The following IGF2BP3 variants were observed in gnomAD, a reference collection of about 807,000 sequenced individuals.
IGF2BP3 encodes insulin-like growth factor 2 mRNA-binding protein 3.
In IGF2BP3, 9 loss-of-function variants were observed where a neutral mutation model predicts 73.8. The observed-to-expected ratio is 0.12, with a 90% CI of 0.07 to 0.21. The LOEUF (loss-of-function observed/expected upper bound fraction) is 0.21, where lower values mean the gene tolerates loss of function less well. IGF2BP3 is among the 10% of genes least tolerant of loss of function. The pLI is 1.00. For missense variants in IGF2BP3, 542 were observed against 714.0 expected (o/e 0.76, Z 2.75); for synonymous variants, 258 against 256.7 (o/e 1.01, Z -0.05).
intron 5 of IGF2BP3, among the ~76,000 whole-genome samples, chr7:23,356,412 C>A (rs1012005069): frequency 6.6e-6 from 1 of 151,884 alleles, no homozygotes; most frequent in Non-Finnish European, 1.5e-5. Context: ...AAAAAATTAG[C>A]TGGGTGTAGT....
At chr7:23,453,428 A>C (rs946770127) in intron 2 of IGF2BP3, among the ~76,000 whole-genome samples, 9 of 152,244 alleles carry the variant, frequency 5.9e-5, no homozygotes, top group Non-Finnish European at 1.0e-4. Context: ...TACTGTTAAA[A>C]TGTGACGTGT....
In IGF2BP3 at chr7:23,468,535, T is replaced by C; in HGVS notation, c.183A>G (p.Ile61Met). 1.2e-6 allele frequency: 2 copies of C among 1,614,202 alleles called. No individual in the cohort carries two copies. The highest frequency in any genetic ancestry group is 1.7e-6 in the Non-Finnish European group (2 of 1,180,006). ...LKAIEALSGK[I>M]ELHGKPIEVE... ...CTTCTATGGGTTTCCCGTGCAGTTCTATTTTACCTGCGGACACACAAGAAG... is the reference window on the plus strand; with the variant it reads ...CTTCTATGGGTTTCCCGTGCAGTTCCATTTTACCTGCGGACACACAAGAAG... The change falls in exon 2 of 15, where the codon ATA becomes ATG. Residue 61 changes from isoleucine (I) to methionine (M), a missense_variant. This residue lies in a region of IGF2BP3 where 239 missense variants were observed against 241.9 expected (regional missense o/e 0.99). Coordinates refer to ENST00000258729, the MANE Select transcript of IGF2BP3 (RefSeq NM_006547.3).
Position 23,311,712 on chromosome 7 carries a change from CGGTT to C in IGF2BP3, c.*646_*649del, listed in dbSNP as rs1391016422. On this transcript the variant is annotated 3_prime_UTR_variant, in exon 15 of 15. Coordinates refer to ENST00000258729, the MANE Select transcript of IGF2BP3 (RefSeq NM_006547.3). ...AATTTTAAATTTATTTTTTAAAAAACGGTTGGACTTCTATCATTATAAAGTATAT... is the reference window on the plus strand; with the variant it reads ...AATTTTAAATTTATTTTTTAAAAAACGGACTTCTATCATTATAAAGTATAT... The C allele has an allele frequency of 6.8e-5, 10 of 146,174 alleles. No homozygotes were observed. The highest frequency in any genetic ancestry group is 2.2e-4 in the South Asian group (1 of 4,536). 9.1% of individuals were successfully genotyped at this position (146,174 alleles called of 1,614,324 possible).
intron 2 of IGF2BP3, among the ~76,000 whole-genome samples, chr7:23,453,568 G>A (rs1788248919): frequency 6.6e-6 from 1 of 152,176 alleles, no homozygotes; most frequent in South Asian, 2.1e-4. Flanking sequence ...GATTAAAACT[G>A]TGCTTACAGA....
At chr7:23,370,433 C>T (rs1248341636) in intron 3 of IGF2BP3, among the ~76,000 whole-genome samples, 1 of 152,118 alleles carries the variant, frequency 6.6e-6, no homozygotes, top group African/African-American at 2.4e-5. Flanking sequence ...GATGGAACAA[C>T]AATGTCGGGC....
chr7:23,363,528 T>C (rs1432522712), intron 3 of IGF2BP3, among the ~76,000 whole-genome samples: 2 of 152,228 alleles, frequency 1.3e-5, no homozygotes, highest in African/African-American at 2.4e-5. Context: ...ATTACAGGCG[T>C]GACCCAGCAC....
At chr7:23,377,233 T>C (rs1785753023) in intron 3 of IGF2BP3, among the ~76,000 whole-genome samples, 1 of 152,212 alleles carries the variant, frequency 6.6e-6, no homozygotes, top group Non-Finnish European at 1.5e-5. Context: ...ATATATCTGA[T>C]AAGGGACTTA....
chr7:23,377,928 T>C (rs1785778547), intron 3 of IGF2BP3, among the ~76,000 whole-genome samples: 1 of 152,128 alleles, frequency 6.6e-6, no homozygotes, highest in East Asian at 1.9e-4. Context: ...AGATTAGTGG[T>C]TTCTAGGGCC....
chr7:23,319,409 T>C (rs941164054), intron 10 of IGF2BP3, among the ~76,000 whole-genome samples, 155 bp from the exon 11 acceptor site: 2 of 152,202 alleles, frequency 1.3e-5, no homozygotes, highest in Admixed American at 6.5e-5. Context: ...CCTTACCTAA[T>C]AGGTCAAGAA....
intron 3 of IGF2BP3, among the ~76,000 whole-genome samples, chr7:23,378,566 C>CTTTT (rs1785801816): frequency 1.2e-5 from 1 of 80,972 alleles, no homozygotes; most frequent in African/African-American, 6.0e-5. Flanking sequence ...CTAATTTTTG[C>CTTTT]TTGTTTTTTT....
At chr7:23,355,423 G>T (rs1478216867) in intron 5 of IGF2BP3, among the ~76,000 whole-genome samples, 1 of 151,816 alleles carries the variant, frequency 6.6e-6, no homozygotes, top group East Asian at 1.9e-4. Flanking sequence ...TAGAGACGGG[G>T]TTTCACCATG....
chr7:23,330,813 AC>A (rs926880974), intron 10 of IGF2BP3, among the ~76,000 whole-genome samples: 3 of 152,138 alleles, frequency 2.0e-5, no homozygotes, highest in African/African-American at 7.2e-5. Flanking sequence ...TTTTTCTGAG[AC>A]GGAGTCTTGC....
chr7:23,432,627 T>A (rs1425560263), intron 2 of IGF2BP3, among the ~76,000 whole-genome samples: 3 of 151,770 alleles, frequency 2.0e-5, no homozygotes, highest in Non-Finnish European at 4.4e-5. Context: ...GTAAATGTGC[T>A]TCATTTTTTA....
intron 5 of IGF2BP3, among the ~76,000 whole-genome samples, chr7:23,353,068 C>A (rs1785007781): frequency 6.6e-6 from 1 of 152,096 alleles, no homozygotes; most frequent in African/African-American, 2.4e-5. Context: ...CCCCAGTGCA[C>A]AACAAAATGA....
rs1784641267 is a variant in IGF2BP3 at position 23,338,936 on chromosome 7, G to A, written c.1203+3128C>T. Reference sequence around the variant, plus strand: ...AAGTTGAGAACTCCATTGTATCACTGCCTGGAACACATGTAGAATAAAATA... The same window carrying A: ...AAGTTGAGAACTCCATTGTATCACTACCTGGAACACATGTAGAATAAAATA... On this transcript the variant is annotated intron_variant, in intron 10 of 14. Transcript: ENST00000258729. 2.0e-5 allele frequency among the ~76,000 whole-genome samples: 3 copies of A among 152,214 alleles called. No homozygotes were observed. In the South Asian group the frequency reaches 6.2e-4, roughly 32 times the overall value.
chr7:23,445,190 G>T (rs1788031885), intron 2 of IGF2BP3, among the ~76,000 whole-genome samples: 2 of 152,220 alleles, frequency 1.3e-5, no homozygotes, highest in South Asian at 4.1e-4. Context: ...AAACTGCACA[G>T]TAGTTGCATT....
intron 2 of IGF2BP3, among the ~76,000 whole-genome samples, chr7:23,440,602 C>CT (rs1255912868): frequency 6.6e-6 from 1 of 152,232 alleles, no homozygotes; most frequent in Non-Finnish European, 1.5e-5. Flanking sequence ...CAGCCAAGTA[C>CT]TTTAACAACT....
chr7:23,346,852 A>G (rs1357101914), intron 7 of IGF2BP3, among the ~76,000 whole-genome samples: 1 of 152,058 alleles, frequency 6.6e-6, no homozygotes, highest in Non-Finnish European at 1.5e-5. Context: ...CGGCCTCCCA[A>G]AGTGCTGGGA....
chr7:23,458,648 TTATA>T (rs1262940873), intron 2 of IGF2BP3, among the ~76,000 whole-genome samples: 8 of 152,174 alleles, frequency 5.3e-5, no homozygotes, highest in Non-Finnish European at 8.8e-5. Context: ...CGCAAGCCAC[TTATA>T]TTAAGATGAA....
Sources: gnomAD v4.1 joint callset for allele counts (sites outside exome capture counted in the v4.1 genomes callset) on GRCh38, gnomAD v4.1.1 for gene constraint, gnomAD v4.1.1 regional missense constraint, MANE v1.5 for transcripts, NCBI Gene and HGNC (gene_info 2026-07-23, HGNC 2026-07-21) for gene names.